ADAM23: variants seen among roughly 807,000 people sequenced by gnomAD.
The protein encoded by ADAM23 is disintegrin and metalloproteinase domain-containing protein 23.
In ADAM23, 33 loss-of-function variants were observed where a neutral mutation model predicts 120.1. That is an observed-to-expected ratio of 0.27 (90% CI 0.21 to 0.37). ADAM23 has a LOEUF of 0.37. Ranked by LOEUF, ADAM23 falls within the 10% of genes least tolerant of loss-of-function variation. The pLI, the probability that ADAM23 is intolerant of heterozygous loss-of-function variation, is 1.00. For synonymous variants in ADAM23, 367 were observed against 375.2 expected, an observed-to-expected ratio of 0.98 and a Z score of 0.25; for missense variants, 862 against 1,058.2, an observed-to-expected ratio of 0.81 and a Z score of 2.57.
At chr2:206,514,294 A>C (rs1696686172) in intron 3 of ADAM23, among the ~76,000 whole-genome samples, 1 of 152,194 alleles carries the variant, frequency 6.6e-6, no homozygotes, top group Non-Finnish European at 1.5e-5. Flanking sequence ...ATTCCTAATT[A>C]ATGGAAGGAG....
At chr2:206,582,158 G>T (rs6435341) in intron 18 of ADAM23, among the ~76,000 whole-genome samples, 17 of 152,142 alleles carry the variant, frequency 1.1e-4, no homozygotes, top group African/African-American at 4.1e-4. Flanking sequence ...GATTACAGGC[G>T]TGAGCCACCA....
At chr2:206,499,256 A>C (rs1281592269) in intron 3 of ADAM23, among the ~76,000 whole-genome samples, 1 of 152,050 alleles carries the variant, frequency 6.6e-6, no homozygotes, top group East Asian at 1.9e-4. Flanking sequence ...CAAATGTCCA[A>C]CAATGATAGA....
chr2:206,550,892 C>A (rs747215450), intron 9 of ADAM23, among the ~76,000 whole-genome samples: 1 of 152,166 alleles, frequency 6.6e-6, no homozygotes, highest in South Asian at 2.1e-4. Flanking sequence ...TGAGCCACCG[C>A]GCCCGGCGAC....
At chr2:206,532,072 G>A (rs1390304875) in intron 4 of ADAM23, among the ~76,000 whole-genome samples, 1 of 152,158 alleles carries the variant, frequency 6.6e-6, no homozygotes, top group Admixed American at 6.5e-5. Flanking sequence ...TGCATTTGGG[G>A]GTTGTTGAGT....
At position 206,567,273 on chromosome 2, in the gene ADAM23, A is replaced by G. The variant is rs1183648532; in HGVS notation, c.1445A>G (p.Asp482Gly). Reference protein sequence around the residue: ...FSKCSILEYRDFLQRGGGACL... With the variant: ...FSKCSILEYRGFLQRGGGACL... ...AAGTGCAGCATTTTGGAGTATAGAG[A>G]CTTTTTACAGAGAGGAGGTGGAGCC... Residue 482 changes from aspartate (D) to glycine (G), a missense_variant, in exon 15 of 26, where the codon GAC (aspartate) becomes GGC (glycine). By Grantham distance (94) the Asp-to-Gly change is moderately conservative (BLOSUM62 -1). This residue lies in a region of ADAM23 where 617 missense variants were observed against 813.5 expected (regional missense o/e 0.76). Coordinates refer to ENST00000264377, the MANE Select transcript of ADAM23 (RefSeq NM_003812.4). 2 of 1,613,862 alleles carry G rather than the reference A, an allele frequency of 1.2e-6. No individual in the cohort carries two copies. The highest frequency in any genetic ancestry group is 1.3e-5 in the African/African-American group (1 of 74,918).
chr2:206,542,224 A>G, intron 5 of ADAM23, 90 bp downstream of exon 5: 2 of 1,312,050 alleles, frequency 1.5e-6, no homozygotes, highest in Non-Finnish European at 2.2e-6. Context: ...CTTCCGTGCC[A>G]GTGCTGTGTT....
rs147307163 is a variant in ADAM23, at chr2:206,522,833, G to A, written c.510-8052G>A. Among the ~76,000 whole-genome samples the A allele has an allele frequency of 1.2e-4, 18 of 149,764 alleles. No individual in the cohort carries two copies. The East Asian group carries it at 3.5e-3, about 29-fold the overall frequency. ...TTTTTTTTTTGGTTTTATGACATACGGGGGTAAAACTAGATTGTGAAAGTA... is the reference window on the plus strand; with the variant it reads ...TTTTTTTTTTGGTTTTATGACATACAGGGGTAAAACTAGATTGTGAAAGTA... On this transcript the variant is annotated intron_variant, in intron 3 of 25. Transcript: ENST00000264377.
chr2:206,460,477 T>C (rs1264963649), intron 2 of ADAM23, among the ~76,000 whole-genome samples: 2 of 152,200 alleles, frequency 1.3e-5, no homozygotes, highest in Non-Finnish European at 2.9e-5. Context: ...TCCCTAATGA[T>C]TAGTGATGTT....
At chr2:206,472,001 G>A (rs190408865) in intron 2 of ADAM23, among the ~76,000 whole-genome samples, 1 of 152,326 alleles carries the variant, frequency 6.6e-6, no homozygotes, top group Admixed American at 6.5e-5. Context: ...GGCATTGCCA[G>A]TTTAATATCC....
At chr2:206,481,117 A>G in intron 2 of ADAM23, 115 bp from the exon 3 acceptor site, 1 of 664,642 alleles carries the variant, frequency 1.5e-6, no homozygotes, top group Non-Finnish European at 2.4e-6. Flanking sequence ...ATGATGATAC[A>G]TAAGGAAATG....
intron 13 of ADAM23, among the ~76,000 whole-genome samples, chr2:206,563,585 A>G (rs1206284330): frequency 6.6e-6 from 1 of 152,194 alleles, no homozygotes; most frequent in Non-Finnish European, 1.5e-5. Flanking sequence ...GACCAGGTTT[A>G]TGCCCTTGTT....
intron 22 of ADAM23, among the ~76,000 whole-genome samples, chr2:206,594,410 G>A (rs1390807047): frequency 6.6e-6 from 1 of 152,032 alleles, no homozygotes; most frequent in Non-Finnish European, 1.5e-5. Flanking sequence ...TGATATATTT[G>A]CTTCTTTTGT....
intron 2 of ADAM23, among the ~76,000 whole-genome samples, chr2:206,456,508 G>T (rs879477673): frequency 6.6e-6 from 1 of 152,122 alleles, no homozygotes; most frequent in African/African-American, 2.4e-5. Context: ...TTCCCACCAG[G>T]TCCCTCCCTC....
chr2:206,533,172 T>A (rs544419699), intron 4 of ADAM23, among the ~76,000 whole-genome samples: 1 of 152,208 alleles, frequency 6.6e-6, no homozygotes, highest in African/African-American at 2.4e-5. Flanking sequence ...AATGCAGCCT[T>A]TTTTCCCCTA....
rs775100778 is a variant in ADAM23, at chr2:206,561,187, G to A, written c.1229G>A (p.Arg410His). ...AGTTACTTTGGAGGTGTCTGTTCTC[G>A]CACAAGAGGAGTTGGTGTGAATGAG... ...SLSYFGGVCSRTRGVGVNEYG... is the reference protein window; with the variant it reads ...SLSYFGGVCSHTRGVGVNEYG... Residue 410 changes from arginine (R) to histidine (H), a missense_variant, in exon 12 of 26, where the codon CGC becomes CAC. By Grantham distance (29) the Arg-to-His change is conservative (BLOSUM62 0). Coordinates refer to ENST00000264377, the MANE Select transcript of ADAM23 (RefSeq NM_003812.4). 31 of 1,613,764 alleles carry A rather than the reference G, an allele frequency of 1.9e-5. No homozygotes were observed. In the Admixed American group the frequency reaches 2.2e-4, roughly 11 times the overall value.
intron 3 of ADAM23, among the ~76,000 whole-genome samples, chr2:206,513,250 T>G (rs1696662779): frequency 6.6e-6 from 1 of 152,228 alleles, no homozygotes; most frequent in Non-Finnish European, 1.5e-5. Context: ...CTGAGGCCTC[T>G]TGAGTCAGTT....
At chr2:206,496,216 C>A (rs1265611432) in intron 3 of ADAM23, among the ~76,000 whole-genome samples, 1 of 152,222 alleles carries the variant, frequency 6.6e-6, no homozygotes, top group South Asian at 2.1e-4. Flanking sequence ...CAGCACCACA[C>A]CACACCTATT....
At chr2:206,549,451 GAAAT>G (rs1346895309) in intron 8 of ADAM23, among the ~76,000 whole-genome samples, 1 of 151,756 alleles carries the variant, frequency 6.6e-6, no homozygotes, top group African/African-American at 2.4e-5. Flanking sequence ...CTATGAAAAA[GAAAT>G]AAAAGTCCAA....
intron 2 of ADAM23, among the ~76,000 whole-genome samples, chr2:206,472,499 G>C (rs1380879092): frequency 1.3e-5 from 2 of 151,830 alleles, no homozygotes; most frequent in East Asian, 3.9e-4. Context: ...TGTAGTCCCA[G>C]CTACTTGGGA....
Sources: gnomAD v4.1 joint callset for allele counts (sites outside exome capture counted in the v4.1 genomes callset) on GRCh38, gnomAD v4.1.1 for gene constraint, gnomAD v4.1.1 regional missense constraint, MANE v1.5 for transcripts, NCBI Gene and HGNC (gene_info 2026-07-23, HGNC 2026-07-21) for gene names.